The following TRIM44 variants were observed in gnomAD, a reference collection of about 807,000 sequenced individuals.
TRIM44 encodes tripartite motif-containing protein 44.
Under a neutral mutation model 37.4 loss-of-function variants are expected in TRIM44, and 13 were observed. The observed-to-expected ratio is 0.35, with a 90% CI of 0.23 to 0.55. The LOEUF (loss-of-function observed/expected upper bound fraction) is 0.55, where lower values mean the gene tolerates loss of function less well. Among genes scored for constraint, TRIM44 ranks in the 20% least tolerant of loss-of-function variants. The pLI is 0.89. For synonymous variants in TRIM44, 175 were observed against 157.2 expected (o/e 1.11, Z -0.85); for missense variants, 426 against 437.2 (o/e 0.97, Z 0.23).
intron 1 of TRIM44, among the ~76,000 whole-genome samples, chr11:35,676,142 A>C (rs1404730210): frequency 6.6e-6 from 1 of 152,218 alleles, no homozygotes; most frequent in African/African-American, 2.4e-5. Context: ...TTCTTCTGTA[A>C]CATGAGCTAA....
intron 2 of TRIM44, among the ~76,000 whole-genome samples, chr11:35,704,684 T>C (rs2135503283): frequency 6.6e-6 from 1 of 152,204 alleles, no homozygotes; most frequent in South Asian, 2.1e-4. Flanking sequence ...GAAGGAGAAA[T>C]AAAATACTTT....
intron 2 of TRIM44, among the ~76,000 whole-genome samples, chr11:35,713,146 TCTTTACAC>T (rs1468431539): frequency 6.6e-6 from 1 of 152,188 alleles, no homozygotes; most frequent in Non-Finnish European, 1.5e-5. Flanking sequence ...ATTTATCAGG[TCTTTACAC>T]CTACGAAGAG....
intron 4 of TRIM44, among the ~76,000 whole-genome samples, chr11:35,769,824 T>G (rs1852842963): frequency 6.6e-6 from 1 of 152,216 alleles, no homozygotes; most frequent in Admixed American, 6.5e-5. Flanking sequence ...GAATTAGATG[T>G]ATTCAGACAA....
chr11:35,732,027 C>G (rs557175011), intron 3 of TRIM44, among the ~76,000 whole-genome samples: 5 of 152,256 alleles, frequency 3.3e-5, no homozygotes, highest in Non-Finnish European at 7.4e-5. Flanking sequence ...AATGCAGAAT[C>G]TTAGTTCTTA....
chr11:35,709,269 C>T (rs1334479477), intron 2 of TRIM44, among the ~76,000 whole-genome samples: 3 of 152,256 alleles, frequency 2.0e-5, no homozygotes, highest in East Asian at 1.9e-4. Flanking sequence ...TTGCTGCCTC[C>T]TGTGCCTAAT....
intron 2 of TRIM44, among the ~76,000 whole-genome samples, chr11:35,725,015 T>C (rs1047324839): frequency 6.6e-6 from 1 of 151,906 alleles, no homozygotes; most frequent in Admixed American, 6.6e-5. Flanking sequence ...TTTGGAAATA[T>C]CCTGTACTTC....
At chr11:35,667,315 A>C (rs932508113) in intron 1 of TRIM44, among the ~76,000 whole-genome samples, 1 of 152,218 alleles carries the variant, frequency 6.6e-6, no homozygotes, top group African/African-American at 2.4e-5. Context: ...TGATACATTC[A>C]TATACCTCAA....
chr11:35,783,717 G>C (rs1247175349), intron 4 of TRIM44, among the ~76,000 whole-genome samples: 1 of 152,186 alleles, frequency 6.6e-6, no homozygotes, highest in Non-Finnish European at 1.5e-5. Flanking sequence ...AATGAATTGT[G>C]TGCGTGAAAT....
intron 4 of TRIM44, among the ~76,000 whole-genome samples, chr11:35,741,383 C>G (rs1159525107): frequency 6.6e-6 from 1 of 152,126 alleles, no homozygotes; most frequent in African/African-American, 2.4e-5. Context: ...ATAATTGATT[C>G]AGAAATTTGC....
Position 35,663,388 on chromosome 11 carries a change from A to G in TRIM44, c.277A>G (p.Ser93Gly), listed in dbSNP as rs1407714691. Residue 93 changes from serine (S) to glycine (G), a missense_variant, in exon 1 of 5, where the codon AGC becomes GGC. Ser to Gly is a moderately conservative substitution (Grantham distance 56). Transcript: ENST00000299413. ...VKVEQEREIE[S>G]EAGEESESEE... ...GGTGGAGCAGGAGAGGGAGATAGAA[A>G]GCGAGGCAGGGGAAGAGAGTGAGTC... The G allele has an allele frequency of 2.5e-6, 4 of 1,606,846 alleles. No individual in the cohort carries two copies. The highest frequency in any genetic ancestry group is 3.4e-6 in the Non-Finnish European group (4 of 1,176,198).
chr11:35,725,694 G>A (rs1393216711), intron 2 of TRIM44, among the ~76,000 whole-genome samples: 3 of 151,718 alleles, frequency 2.0e-5, no homozygotes, highest in Non-Finnish European at 2.9e-5. Context: ...GAACAAAACC[G>A]AAAGGAAAAA....
intron 4 of TRIM44, among the ~76,000 whole-genome samples, chr11:35,802,189 T>C (rs1241170105): frequency 2.6e-5 from 4 of 152,156 alleles, no homozygotes; most frequent in African/African-American, 4.8e-5. Context: ...AAATAAACAT[T>C]AGCACACACC....
intron 3 of TRIM44, among the ~76,000 whole-genome samples, chr11:35,730,208 C>G (rs375453953): frequency 1.3e-5 from 2 of 152,038 alleles, no homozygotes; most frequent in South Asian, 2.1e-4. Flanking sequence ...AATACAGTAA[C>G]TGACACCAAA....
intron 2 of TRIM44, among the ~76,000 whole-genome samples, chr11:35,702,171 G>T (rs1357351146): frequency 6.6e-6 from 1 of 152,180 alleles, no homozygotes; most frequent in East Asian, 1.9e-4. Flanking sequence ...ATATTGAACT[G>T]GCAGGACTCA....
chr11:35,759,976 G>A (rs1852700109), intron 4 of TRIM44, among the ~76,000 whole-genome samples: 1 of 152,216 alleles, frequency 6.6e-6, no homozygotes, highest in South Asian at 2.1e-4. Flanking sequence ...TCTGTTCTCA[G>A]ATCTCCAGCT....
At chr11:35,756,000 T>C (rs1339391413) in intron 4 of TRIM44, among the ~76,000 whole-genome samples, 1 of 152,056 alleles carries the variant, frequency 6.6e-6, no homozygotes, top group Non-Finnish European at 1.5e-5. Context: ...TCTTTTTTGG[T>C]TCCATATGAA....
At chr11:35,710,746 C>G (rs781033518) in intron 2 of TRIM44, among the ~76,000 whole-genome samples, 1 of 152,176 alleles carries the variant, frequency 6.6e-6, no homozygotes, top group Non-Finnish European at 1.5e-5. Flanking sequence ...TACAGATGTA[C>G]ATTTCTCTTA....
intron 2 of TRIM44, among the ~76,000 whole-genome samples, chr11:35,715,133 TG>T (rs1852022805): frequency 6.6e-6 from 1 of 152,176 alleles, no homozygotes; most frequent in Admixed American, 6.5e-5. Context: ...GTCATGTCAC[TG>T]GGTTACACAT....
intron 2 of TRIM44, among the ~76,000 whole-genome samples, chr11:35,698,267 G>A (rs1170669063): frequency 7.0e-4 from 98 of 140,652 alleles, no homozygotes; most frequent in African/African-American, 2.4e-3. Context: ...TGTCTTTATA[G>A]CAGCATGATT....
Sources: gnomAD v4.1 joint callset for allele counts (sites outside exome capture counted in the v4.1 genomes callset) on GRCh38, gnomAD v4.1.1 for gene constraint, MANE v1.5 for transcripts, NCBI Gene and HGNC (gene_info 2026-07-23, HGNC 2026-07-21) for gene names.